The following DLG2 variants were observed in gnomAD, a reference collection of about 807,000 sequenced individuals.
DLG2 encodes the protein disks large homolog 2.
Under a neutral mutation model 132.5 loss-of-function variants are expected in DLG2, and 45 were observed. That is an observed-to-expected ratio of 0.34 (90% CI 0.27 to 0.44). The LOEUF (loss-of-function observed/expected upper bound fraction) is 0.44. Ranked by LOEUF, DLG2 falls within the 20% of genes least tolerant of loss-of-function variation. The pLI is 1.00. For synonymous variants in DLG2, 424 were observed against 419.6 expected, an observed-to-expected ratio of 1.01 and a Z score of -0.13; for missense variants, 1,045 against 1,196.9, an observed-to-expected ratio of 0.87 and a Z score of 1.87.
chr11:85,606,891 GA>G (rs2080599073), intron 2 of DLG2, among the ~76,000 whole-genome samples: 2 of 152,268 alleles, frequency 1.3e-5, no homozygotes, highest in South Asian at 4.1e-4. Context: ...CCAGAAGGAA[GA>G]AACTCTGGAC....
intron 3 of DLG2, among the ~76,000 whole-genome samples, chr11:85,381,273 AT>A (rs1313007206): frequency 2.6e-5 from 4 of 152,174 alleles, no homozygotes; most frequent in Admixed American, 1.3e-4. Context: ...GTTTCCTAAT[AT>A]TTGTATGTTA....
intron 6 of DLG2, among the ~76,000 whole-genome samples, chr11:84,759,860 T>C (rs1485769102): frequency 1.3e-5 from 2 of 152,144 alleles, no homozygotes; most frequent in Admixed American, 6.5e-5. Flanking sequence ...GGGATCCTGG[T>C]ATCTTTAATA....
At position 84,988,337 on chromosome 11, in the gene DLG2, A is replaced by G. The variant is rs564079024; in HGVS notation, c.357+123324T>C. 2.0e-5 allele frequency among the ~76,000 whole-genome samples: 3 copies of G among 152,330 alleles called. No homozygotes were observed. In the South Asian group the frequency reaches 6.2e-4, roughly 32 times the overall value. Reference sequence around the variant, plus strand: ...ATGGAGAACTAAATGCAGAACTACCATTTGATCCAGCGATCCCACTACTGG... The same window carrying G: ...ATGGAGAACTAAATGCAGAACTACCGTTTGATCCAGCGATCCCACTACTGG... On this transcript the variant is annotated intron_variant, in intron 6 of 27. Transcript: ENST00000376104.
intron 5 of DLG2, among the ~76,000 whole-genome samples, chr11:85,127,132 A>T (rs1175991986): frequency 3.9e-5 from 6 of 152,008 alleles, no homozygotes; most frequent in Non-Finnish European, 8.8e-5. Flanking sequence ...CAGGGTGCTG[A>T]TCTATCTCTG....
chr11:84,052,180 G>A (rs1205804416), intron 11 of DLG2, among the ~76,000 whole-genome samples: 1 of 151,810 alleles, frequency 6.6e-6, no homozygotes, highest in East Asian at 1.9e-4. Context: ...AGAGTTATAT[G>A]ACACATCATA....
chr11:85,568,813 C>G (rs2077682409), intron 3 of DLG2, among the ~76,000 whole-genome samples: 1 of 151,904 alleles, frequency 6.6e-6, no homozygotes, highest in East Asian at 1.9e-4. Context: ...TTTTAATAGT[C>G]TAGCTAAAAG....
At chr11:84,649,710 G>T (rs1594848095) in intron 6 of DLG2, among the ~76,000 whole-genome samples, 1 of 152,282 alleles carries the variant, frequency 6.6e-6, no homozygotes, top group East Asian at 1.9e-4. Flanking sequence ...AAATAGTGAG[G>T]TGGTCAGATC....
At chr11:83,937,250 G>A (rs2154135655) in intron 14 of DLG2, among the ~76,000 whole-genome samples, 1 of 152,288 alleles carries the variant, frequency 6.6e-6, no homozygotes, top group African/African-American at 2.4e-5. Flanking sequence ...GCTCATGCCT[G>A]TAATCCCAGC....
chr11:85,421,823 T>C (rs953462563), intron 3 of DLG2, among the ~76,000 whole-genome samples: 1 of 152,164 alleles, frequency 6.6e-6, no homozygotes, highest in African/African-American at 2.4e-5. Context: ...TTGATGTGTT[T>C]CCAGGATTTG....
chr11:84,327,935 T>C (rs1314817852), intron 7 of DLG2, among the ~76,000 whole-genome samples: 1 of 152,218 alleles, frequency 6.6e-6, no homozygotes, highest in Non-Finnish European at 1.5e-5. Context: ...TTTATTCAAT[T>C]GTATTGATTT....
chr11:84,299,533 T>C (rs886322552), intron 7 of DLG2, among the ~76,000 whole-genome samples: 2 of 152,216 alleles, frequency 1.3e-5, no homozygotes, highest in African/African-American at 4.8e-5. Context: ...TCCTGATTTC[T>C]GACTTGGCAC....
intron 3 of DLG2, among the ~76,000 whole-genome samples, chr11:85,309,847 G>C (rs527928): frequency 0.81 from 123,945 of 152,112 alleles, 51,021 homozygotes; most frequent in Middle Eastern, 0.89. Context: ...TCTGTGTTTT[G>C]TGTTTGCCTC....
intron 19 of DLG2, among the ~76,000 whole-genome samples, chr11:83,616,096 T>C (rs1440372871): frequency 1.3e-5 from 2 of 152,200 alleles, no homozygotes; most frequent in Non-Finnish European, 2.9e-5. Context: ...TTCATTGTTG[T>C]ATATTATCCT....
chr11:83,974,383 T>C (rs2091883907), intron 12 of DLG2, among the ~76,000 whole-genome samples: 1 of 152,072 alleles, frequency 6.6e-6, no homozygotes, highest in South Asian at 2.1e-4. Context: ...TACTCTAGGA[T>C]ATTTATTTTC....
At chr11:84,511,482 T>C (rs979514887) in intron 7 of DLG2, among the ~76,000 whole-genome samples, 6 of 152,192 alleles carry the variant, frequency 3.9e-5, no homozygotes, top group Admixed American at 6.5e-5. Context: ...AGAGTTCATA[T>C]ATATTTTGAC....
At chr11:85,212,601 C>A (rs2082322909) in intron 4 of DLG2, among the ~76,000 whole-genome samples, 1 of 152,116 alleles carries the variant, frequency 6.6e-6, no homozygotes. Flanking sequence ...CTGTAGCAAT[C>A]AGGCCTACAA....
chr11:83,638,813 C>T (rs887166214), intron 18 of DLG2, among the ~76,000 whole-genome samples: 1 of 152,274 alleles, frequency 6.6e-6, no homozygotes, highest in South Asian at 2.1e-4. Flanking sequence ...AAAGCTGCTG[C>T]TATTTTCAGG....
intron 6 of DLG2, among the ~76,000 whole-genome samples, chr11:84,958,611 C>T (rs1163458326): frequency 2.0e-5 from 3 of 152,084 alleles, no homozygotes; most frequent in Admixed American, 6.6e-5. Context: ...AAGACACAGA[C>T]GTGTCTTAGG....
chr11:83,811,382 C>T (rs1163727436), intron 17 of DLG2, among the ~76,000 whole-genome samples: 1 of 151,958 alleles, frequency 6.6e-6, no homozygotes, highest in East Asian at 1.9e-4. Flanking sequence ...TAGGTTGAAC[C>T]ACACAAAATT....
Sources: allele counts gnomAD v4.1 joint callset (sites outside exome capture counted in the v4.1 genomes callset), GRCh38; gene constraint gnomAD v4.1.1; transcripts MANE v1.5; gene names NCBI Gene and HGNC (gene_info 2026-07-23, HGNC 2026-07-21).